The following MYO1D variants were observed in gnomAD, a reference collection of about 807,000 sequenced individuals.
The protein encoded by MYO1D is unconventional myosin-Id.
MYO1D carries 83 observed loss-of-function variants against 122.0 expected under a neutral mutation model. The observed-to-expected ratio is 0.68, with a 90% confidence interval of 0.57 to 0.82. The LOEUF (loss-of-function observed/expected upper bound fraction) is 0.82, where lower values mean the gene tolerates loss of function less well. Among genes scored for constraint, MYO1D ranks in the 40% least tolerant of loss-of-function variants. MYO1D has a pLI of 0.00. For synonymous variants in MYO1D, 464 were observed against 446.9 expected (o/e 1.04, Z -0.48); for missense variants, 1,157 against 1,269.5 (o/e 0.91, Z 1.35).
intron 20 of MYO1D, among the ~76,000 whole-genome samples, chr17:32,630,604 G>C: frequency 6.6e-6 from 1 of 151,418 alleles, no homozygotes; most frequent in Non-Finnish European, 1.5e-5. Flanking sequence ...ATGGAGTCTC[G>C]CTCTGTTGCC....
chr17:32,569,290 GA>G (rs1413320000), intron 21 of MYO1D, among the ~76,000 whole-genome samples: 1 of 152,214 alleles, frequency 6.6e-6, no homozygotes, highest in Non-Finnish European at 1.5e-5. Context: ...GTTAATTGGG[GA>G]TAGTATTGCT....
intron 16 of MYO1D, among the ~76,000 whole-genome samples, chr17:32,681,550 A>ACC (rs761202463): frequency 2.6e-5 from 4 of 151,384 alleles, no homozygotes; most frequent in Non-Finnish European, 5.9e-5. Context: ...GTTTCCATGT[A>ACC]GTTGAGCGGC....
intron 21 of MYO1D, among the ~76,000 whole-genome samples, chr17:32,509,794 G>A (rs964115366): frequency 1.8e-4 from 28 of 152,044 alleles, no homozygotes; most frequent in Non-Finnish European, 3.5e-4. Flanking sequence ...TCACCATGTT[G>A]GCCAGGATGG....
chr17:32,566,747 A>C (rs1332146466), intron 21 of MYO1D, among the ~76,000 whole-genome samples: 1 of 150,416 alleles, frequency 6.6e-6, no homozygotes, highest in Non-Finnish European at 1.5e-5. Context: ...GAACTTAATT[A>C]GTTATCTGTT....
intron 1 of MYO1D, among the ~76,000 whole-genome samples, chr17:32,817,337 C>T (rs2090620771): frequency 6.6e-6 from 1 of 152,136 alleles, no homozygotes; most frequent in Non-Finnish European, 1.5e-5. Context: ...TGCTGAGTAA[C>T]AGGAAAACAA....
At position 32,856,977 on chromosome 17, in the gene MYO1D, G is replaced by A. The variant is rs2091032307; in HGVS notation, c.95+19801C>T. ...GCTCTCTATTCCTTTCCATATGTAT[G>A]AAGCAGGGGTAGCAGAAATGTCAAG... On this transcript the variant is annotated intron_variant, in intron 1 of 21. Transcript: ENST00000318217. Among the ~76,000 whole-genome samples the A allele has an allele frequency of 4.6e-5, 7 of 152,144 alleles. 1 individual carries two copies. In the South Asian group the frequency reaches 1.2e-3, roughly 27 times the overall value.
At chr17:32,552,628 C>T (rs570697104) in intron 21 of MYO1D, among the ~76,000 whole-genome samples, 4 of 152,276 alleles carry the variant, frequency 2.6e-5, no homozygotes, top group African/African-American at 9.6e-5. Context: ...CTTACTATGT[C>T]CTAGGTACTG....
intron 21 of MYO1D, among the ~76,000 whole-genome samples, chr17:32,561,563 G>T (rs1324619514): frequency 6.6e-6 from 1 of 151,658 alleles, no homozygotes; most frequent in Non-Finnish European, 1.5e-5. Flanking sequence ...GGTGGTGCGT[G>T]CCTGTAGTCC....
chr17:32,504,200 AACT>A (rs924441558), intron 21 of MYO1D, among the ~76,000 whole-genome samples: 1 of 152,192 alleles, frequency 6.6e-6, no homozygotes, highest in African/African-American at 2.4e-5. Context: ...CACAGCACTG[AACT>A]GACCTGGCTC....
At chr17:32,868,622 C>A (rs138682743) in intron 1 of MYO1D, among the ~76,000 whole-genome samples, 2 of 152,044 alleles carry the variant, frequency 1.3e-5, no homozygotes, top group African/African-American at 2.4e-5. Context: ...TGAGGCCATT[C>A]GGGAAGGATT....
chr17:32,514,368 C>T (rs966645253), intron 21 of MYO1D, among the ~76,000 whole-genome samples: 9 of 151,566 alleles, frequency 5.9e-5, no homozygotes, highest in Non-Finnish European at 1.0e-4. Context: ...GCTGGGATTA[C>T]AGGTGTAAGC....
chr17:32,534,193 GTC>G (rs775554870), intron 21 of MYO1D, among the ~76,000 whole-genome samples: 43 of 152,118 alleles, frequency 2.8e-4, no homozygotes, highest in Admixed American at 9.2e-4. Context: ...TAGAGATGGG[GTC>G]TCTCTCTGTC....
chr17:32,582,375 T>C (rs2087350357), intron 21 of MYO1D, among the ~76,000 whole-genome samples: 1 of 152,270 alleles, frequency 6.6e-6, no homozygotes, highest in South Asian at 2.1e-4. Flanking sequence ...TTCATATTCA[T>C]GAAGTTCAAA....
intron 16 of MYO1D, among the ~76,000 whole-genome samples, chr17:32,661,695 T>A (rs1403356569): frequency 6.6e-6 from 1 of 151,940 alleles, no homozygotes; most frequent in African/African-American, 2.4e-5. Flanking sequence ...ACGTATATTA[T>A]GATTTCTTGG....
chr17:32,721,401 T>A (rs1341102365), intron 14 of MYO1D, among the ~76,000 whole-genome samples: 1 of 152,234 alleles, frequency 6.6e-6, no homozygotes, highest in Non-Finnish European at 1.5e-5. Context: ...TGTTTAATTA[T>A]GTTTTAGGGT....
chr17:32,820,133 T>A lies in MYO1D; in HGVS notation c.96-39349A>T, dbSNP rs529955601. Among the ~76,000 whole-genome samples the A allele has an allele frequency of 9.8e-4, 149 of 152,206 alleles. 3 individuals are homozygous for A. Among genetic ancestry groups the A allele is most frequent in the South Asian group, 3.5e-3 (17 of 4,822 alleles). ...CTCTTTTAAAAAGTGAGAACAAGGA[T>A]GCACAGAAATGGGAACTCTTGCACA... is the stretch of plus-strand genomic sequence containing the variant. On this transcript the variant is annotated intron_variant, in intron 1 of 21. Coordinates refer to ENST00000318217, the MANE Select transcript of MYO1D (RefSeq NM_015194.3).
chr17:32,725,748 G>T (rs185619198), intron 14 of MYO1D, among the ~76,000 whole-genome samples: 9 of 151,880 alleles, frequency 5.9e-5, no homozygotes, highest in African/African-American at 1.9e-4. Flanking sequence ...AAAAAAAGGG[G>T]AGCTACAAAT....
chr17:32,646,302 C>T (rs923148931), intron 19 of MYO1D, among the ~76,000 whole-genome samples: 3 of 152,106 alleles, frequency 2.0e-5, no homozygotes, highest in African/African-American at 7.2e-5. Flanking sequence ...TTGTATGAAT[C>T]TTAGAGTTCA....
chr17:32,669,332 T>C (rs1472982778), intron 16 of MYO1D, among the ~76,000 whole-genome samples: 1 of 152,208 alleles, frequency 6.6e-6, no homozygotes, highest in Non-Finnish European at 1.5e-5. Context: ...TAAATAGGTC[T>C]TACTAAAATA....
Sources: allele counts gnomAD v4.1 joint callset (sites outside exome capture counted in the v4.1 genomes callset), GRCh38; gene constraint gnomAD v4.1.1; transcripts MANE v1.5; gene names NCBI Gene and HGNC (gene_info 2026-07-23, HGNC 2026-07-21).